GRID2: variants seen among roughly 807,000 people sequenced by gnomAD.
GRID2 encodes glutamate receptor ionotropic, delta-2.
GRID2 carries 33 observed loss-of-function variants against 114.8 expected under a neutral mutation model. The ratio of observed to expected loss-of-function variants is 0.29; its 90% CI spans 0.22 to 0.38. The LOEUF (loss-of-function observed/expected upper bound fraction) is 0.38, where lower values mean the gene tolerates loss of function less well. GRID2 is among the 10% of genes least tolerant of loss of function. The pLI is 1.00. For missense variants in GRID2, 1,184 were observed against 1,257.7 expected, an observed-to-expected ratio of 0.94 and a Z score of 0.89; for synonymous variants, 505 against 449.9, an observed-to-expected ratio of 1.12 and a Z score of -1.55.
intron 1 of GRID2, among the ~76,000 whole-genome samples, chr4:92,491,565 A>C (rs978957249): frequency 6.6e-5 from 10 of 152,156 alleles, no homozygotes; most frequent in Non-Finnish European, 1.2e-4. Flanking sequence ...GAAATTAATG[A>C]TGCAATGACT....
At chr4:92,666,799 T>G (rs1732811168) in intron 2 of GRID2, among the ~76,000 whole-genome samples, 1 of 151,030 alleles carries the variant, frequency 6.6e-6, no homozygotes, top group Non-Finnish European at 1.5e-5. Context: ...AAAGAAAAAA[T>G]TAAGATTAAA....
At chr4:93,581,727 T>G (rs1736998947) in intron 13 of GRID2, among the ~76,000 whole-genome samples, 1 of 152,158 alleles carries the variant, frequency 6.6e-6, no homozygotes, top group Admixed American at 6.5e-5. Flanking sequence ...CACTGAAATA[T>G]CCTGCATATC....
chr4:93,556,860 C>G (rs1483312637), intron 13 of GRID2, among the ~76,000 whole-genome samples: 1 of 152,154 alleles, frequency 6.6e-6, no homozygotes, highest in Admixed American at 6.5e-5. Flanking sequence ...GGGTTACCCA[C>G]AAAGGGAAGC....
At chr4:92,910,517 A>C (rs1748293493) in intron 2 of GRID2, among the ~76,000 whole-genome samples, 1 of 152,188 alleles carries the variant, frequency 6.6e-6, no homozygotes, top group South Asian at 2.1e-4. Context: ...TAGGCCACTA[A>C]GATTTCTTTG....
intron 2 of GRID2, among the ~76,000 whole-genome samples, chr4:92,859,157 C>A (rs1213617629): frequency 1.3e-5 from 2 of 152,046 alleles, no homozygotes; most frequent in African/African-American, 4.8e-5. Flanking sequence ...TGCCTCAGCC[C>A]CCCAACCTTC....
At chr4:93,711,780 G>A (rs1208583999) in intron 14 of GRID2, among the ~76,000 whole-genome samples, 1 of 152,172 alleles carries the variant, frequency 6.6e-6, no homozygotes, top group African/African-American at 2.4e-5. Context: ...TGGGCGGGTG[G>A]TGGTGTAGAC....
chr4:93,314,575 G>A (rs557321582), intron 8 of GRID2, among the ~76,000 whole-genome samples: 20 of 152,088 alleles, frequency 1.3e-4, no homozygotes, highest in East Asian at 1.2e-3. Flanking sequence ...TAGCTCTTTC[G>A]TTGTTTCCTT....
At chr4:93,256,849 C>T (rs768900177) in intron 8 of GRID2, among the ~76,000 whole-genome samples, 1 of 151,754 alleles carries the variant, frequency 6.6e-6, no homozygotes, top group Admixed American at 6.6e-5. Context: ...GACAGACATA[C>T]AAAACAATTT....
At chr4:93,305,257 G>T (rs1401008773) in intron 8 of GRID2, among the ~76,000 whole-genome samples, 1 of 152,132 alleles carries the variant, frequency 6.6e-6, no homozygotes, top group Non-Finnish European at 1.5e-5. Flanking sequence ...AAATGTAGTT[G>T]TCAAGTTTAT....
chr4:93,603,210 C>CAA (rs1187078804), intron 13 of GRID2, among the ~76,000 whole-genome samples: 1 of 148,738 alleles, frequency 6.7e-6, no homozygotes, highest in East Asian at 2.0e-4. Context: ...GACTTCATCT[C>CAA]AAAAAAAAAG....
chr4:92,908,725 T>C (rs1560690090), intron 2 of GRID2, among the ~76,000 whole-genome samples: 1 of 152,206 alleles, frequency 6.6e-6, no homozygotes, highest in Non-Finnish European at 1.5e-5. Flanking sequence ...TAAAAAATTC[T>C]AATTTATTTT....
At chr4:92,342,415 G>A (rs908506042) in intron 1 of GRID2, among the ~76,000 whole-genome samples, 5 of 152,108 alleles carry the variant, frequency 3.3e-5, no homozygotes, top group Non-Finnish European at 7.4e-5. Context: ...AGCTTGAAAG[G>A]GTTATTGAAG....
chr4:93,592,365 T>C (rs534671957), intron 13 of GRID2, among the ~76,000 whole-genome samples: 4 of 152,336 alleles, frequency 2.6e-5, no homozygotes, highest in African/African-American at 7.2e-5. Context: ...AGATGAGCGA[T>C]TTTGAGTGAG....
At chr4:92,963,734 G>A (rs1752963653) in intron 2 of GRID2, among the ~76,000 whole-genome samples, 1 of 151,926 alleles carries the variant, frequency 6.6e-6, no homozygotes, top group Non-Finnish European at 1.5e-5. Flanking sequence ...ATTTCATCTA[G>A]ATTGGTGAAT....
At chr4:92,918,794 A>T (rs1167363923) in intron 2 of GRID2, among the ~76,000 whole-genome samples, 2 of 151,996 alleles carry the variant, frequency 1.3e-5, no homozygotes, top group Non-Finnish European at 1.5e-5. Flanking sequence ...TTCATGAGGG[A>T]TATTGGTCTA....
intron 2 of GRID2, among the ~76,000 whole-genome samples, chr4:92,715,447 G>T (rs1253426386): frequency 6.6e-6 from 1 of 151,946 alleles, no homozygotes; most frequent in African/African-American, 2.4e-5. Flanking sequence ...ACATTTTCAG[G>T]TGTCTTTTCA....
At chr4:92,609,377 T>C (rs1377136752) in intron 2 of GRID2, among the ~76,000 whole-genome samples, 1 of 151,290 alleles carries the variant, frequency 6.6e-6, no homozygotes, top group Non-Finnish European at 1.5e-5. Context: ...TCTGGGAATG[T>C]ATATTCTAGT....
intron 1 of GRID2, among the ~76,000 whole-genome samples, chr4:92,395,641 A>G (rs192501101): frequency 4.6e-5 from 7 of 151,906 alleles, no homozygotes; most frequent in South Asian, 2.1e-4. Flanking sequence ...GGCACTATCT[A>G]TCTATGTGTC....
chr4:92,942,613 T>C (rs1751245719), intron 2 of GRID2, among the ~76,000 whole-genome samples: 1 of 152,226 alleles, frequency 6.6e-6, no homozygotes, highest in Non-Finnish European at 1.5e-5. Flanking sequence ...CCTGTCATTA[T>C]GATGTTAGCT....
Sources: allele counts gnomAD v4.1 joint callset (sites outside exome capture counted in the v4.1 genomes callset), GRCh38; gene constraint gnomAD v4.1.1; transcripts MANE v1.5; gene names NCBI Gene and HGNC (gene_info 2026-07-23, HGNC 2026-07-21).